The following CDC73 variants were observed in gnomAD, a reference collection of about 807,000 sequenced individuals.
CDC73 encodes the protein parafibromin.
CDC73 carries 21 observed loss-of-function variants against 83.7 expected under a neutral mutation model. The observed-to-expected ratio is 0.25, with a 90% confidence interval of 0.18 to 0.36. CDC73 has a LOEUF of 0.36. Ranked by LOEUF, CDC73 falls within the 10% of genes least tolerant of loss-of-function variation. The pLI, the probability that CDC73 is intolerant of heterozygous loss-of-function variation, is 1.00. For missense variants in CDC73, 342 were observed against 653.3 expected (o/e 0.52, Z 5.19); for synonymous variants, 224 against 212.9 (o/e 1.05, Z -0.45).
At chr1:193,182,983 T>C (rs1004720100) in intron 10 of CDC73, among the ~76,000 whole-genome samples, 1 of 152,024 alleles carries the variant, frequency 6.6e-6, no homozygotes, top group Non-Finnish European at 1.5e-5. Flanking sequence ...GAAATTACAG[T>C]GTATGCATAA....
chr1:193,149,780 GA>G (rs1676073349), intron 8 of CDC73, among the ~76,000 whole-genome samples: 1 of 152,070 alleles, frequency 6.6e-6, no homozygotes, highest in Non-Finnish European at 1.5e-5. Flanking sequence ...TAAACATTGT[GA>G]GTTTTGATAA....
chr1:193,221,585 C>T (rs925099234), intron 13 of CDC73, among the ~76,000 whole-genome samples: 1 of 152,180 alleles, frequency 6.6e-6, no homozygotes, highest in Non-Finnish European at 1.5e-5. Flanking sequence ...ATTCTCCACT[C>T]TCAAGAACCT....
chr1:193,195,680 C>A (rs1317889172), intron 10 of CDC73, among the ~76,000 whole-genome samples: 1 of 152,094 alleles, frequency 6.6e-6, no homozygotes, highest in African/African-American at 2.4e-5. Context: ...TATTTTGTTA[C>A]TGGATTTTGA....
At chr1:193,196,972 A>C (rs1677013492) in intron 10 of CDC73, among the ~76,000 whole-genome samples, 1 of 152,098 alleles carries the variant, frequency 6.6e-6, no homozygotes, top group Admixed American at 6.6e-5. Context: ...TTTCAGTATT[A>C]TGTTGAATAG....
intron 13 of CDC73, among the ~76,000 whole-genome samples, chr1:193,215,564 TTTTGGGC>T (rs1328643857): frequency 6.6e-6 from 1 of 152,040 alleles, no homozygotes. Context: ...CCTAAATCGC[TTTTGGGC>T]AAAGAATGAA....
chr1:193,143,495 G>A (rs1213258014), intron 7 of CDC73, among the ~76,000 whole-genome samples: 1 of 152,014 alleles, frequency 6.6e-6, no homozygotes, highest in African/African-American at 2.4e-5. Context: ...GCTCTAGGTG[G>A]CAGGATTGTA....
At chr1:193,161,388 A>G (rs559602788) in intron 10 of CDC73, among the ~76,000 whole-genome samples, 1 of 151,146 alleles carries the variant, frequency 6.6e-6, no homozygotes, top group South Asian at 2.1e-4. Context: ...TTTTGTTTTA[A>G]TTAGAGACAA....
At chr1:193,189,017 G>A (rs1330528253) in intron 10 of CDC73, among the ~76,000 whole-genome samples, 2 of 150,494 alleles carry the variant, frequency 1.3e-5, no homozygotes, top group East Asian at 1.9e-4. Flanking sequence ...ACAGTGGCAC[G>A]ATCTTGTCTC....
intron 2 of CDC73, among the ~76,000 whole-genome samples, chr1:193,125,556 C>A (rs1445434931): frequency 6.6e-6 from 1 of 151,884 alleles, no homozygotes; most frequent in African/African-American, 2.4e-5. Context: ...ATCACTGTGC[C>A]TGGCCAATAA....
At chr1:193,234,289 A>ATATATATATATATATATATATAAT (rs1677719485) in intron 14 of CDC73, among the ~76,000 whole-genome samples, 1 of 116,128 alleles carries the variant, frequency 8.6e-6, no homozygotes, top group African/African-American at 3.5e-5. Context: ...TAATATACAT[A>ATATATATATATATATATATATAAT]TTATATATAT....
chr1:193,214,651 G>A (rs906268526), intron 13 of CDC73, among the ~76,000 whole-genome samples: 1 of 152,134 alleles, frequency 6.6e-6, no homozygotes, highest in African/African-American at 2.4e-5. Flanking sequence ...CCTGGGAGGC[G>A]GAGCTTGCAG....
rs190797721 is a variant in CDC73 at position 193,133,418 on chromosome 1, A to T, written c.308-1973A>T. Among the ~76,000 whole-genome samples the T allele has an allele frequency of 1.9e-3, 289 of 152,346 alleles. 1 individual carries two copies. Among genetic ancestry groups the T allele is most frequent in the Admixed American group, 3.0e-3 (46 of 15,300 alleles). ...GGTAGGAATAGAACTAGACAAGGTGATTCTAAAGTTCATTGGCAAAAGTAA... is the reference window on the plus strand; with the variant it reads ...GGTAGGAATAGAACTAGACAAGGTGTTTCTAAAGTTCATTGGCAAAAGTAA... On this transcript the variant is annotated intron_variant, in intron 3 of 16. Coordinates refer to ENST00000367435, the MANE Select transcript of CDC73 (RefSeq NM_024529.5).
rs538307429 is a variant in CDC73, at chr1:193,185,767, A to G, written c.973-18028A>G. ...ATTTCTTAAGGAATCCTTTAAACAC[A>G]TCTTCTTCTTATTTGCCTTTTCCCT... On this transcript the variant is annotated intron_variant, in intron 10 of 16. Transcript: ENST00000367435. Among the ~76,000 whole-genome samples, 17 of 152,256 alleles carry G rather than the reference A, an allele frequency of 1.1e-4. No homozygotes were observed. In the East Asian group the frequency reaches 2.9e-3, roughly 26 times the overall value.
intron 14 of CDC73, among the ~76,000 whole-genome samples, chr1:193,234,169 TCTCTCTCACA>T (rs1276609970): frequency 2.5e-5 from 2 of 81,592 alleles, no homozygotes; most frequent in African/African-American, 9.1e-5. Context: ...TCTCTCTCTC[TCTCTCTCACA>T]CACACACACA....
chr1:193,230,939 C>T (rs1677653384), intron 13 of CDC73, among the ~76,000 whole-genome samples: 2 of 152,056 alleles, frequency 1.3e-5, no homozygotes, highest in Non-Finnish European at 2.9e-5. Flanking sequence ...TAAGAAAATA[C>T]GTAGATATAA....
chr1:193,185,076 T>C (rs1395943323), intron 10 of CDC73, among the ~76,000 whole-genome samples: 1 of 152,084 alleles, frequency 6.6e-6, no homozygotes, highest in East Asian at 1.9e-4. Context: ...GGTAGTTCAT[T>C]ACTGCATATT....
At chr1:193,138,517 G>A (rs1675843218) in intron 6 of CDC73, among the ~76,000 whole-genome samples, 6 of 152,128 alleles carry the variant, frequency 3.9e-5, no homozygotes, top group Admixed American at 3.9e-4. Context: ...TAGCTTTGAA[G>A]GTAATATGGT....
At chr1:193,135,801 C>G (rs759191317) in intron 5 of CDC73, among the ~76,000 whole-genome samples, 2 of 150,266 alleles carry the variant, frequency 1.3e-5, no homozygotes, top group Non-Finnish European at 3.0e-5. Flanking sequence ...ATTTTATTTT[C>G]TTTGCTTTTA....
chr1:193,228,288 T>G (rs548541037), intron 13 of CDC73, among the ~76,000 whole-genome samples: 1 of 152,264 alleles, frequency 6.6e-6, no homozygotes, highest in South Asian at 2.1e-4. Context: ...GTTTCATCAG[T>G]TCTGTGAGAT....
Sources: allele counts gnomAD v4.1 joint callset (sites outside exome capture counted in the v4.1 genomes callset), GRCh38; gene constraint gnomAD v4.1.1; transcripts MANE v1.5; gene names NCBI Gene and HGNC (gene_info 2026-07-23, HGNC 2026-07-21).